The following NRXN1 variants were observed in gnomAD, a reference collection of about 807,000 sequenced individuals.
The protein encoded by NRXN1 is neurexin 1.
In NRXN1, 39 loss-of-function variants were observed where a neutral mutation model predicts 150.9. The observed-to-expected ratio is 0.26, with a 90% CI of 0.20 to 0.34. The LOEUF (loss-of-function observed/expected upper bound fraction) is 0.34, where lower values mean the gene tolerates loss of function less well. Among genes scored for constraint, NRXN1 ranks in the 10% least tolerant of loss-of-function variants. The pLI, the probability that NRXN1 is intolerant of heterozygous loss-of-function variation, is 1.00. For missense variants in NRXN1, 1,815 were observed against 1,949.9 expected (o/e 0.93, Z 1.30); for synonymous variants, 924 against 757.0 (o/e 1.22, Z -3.62).
At chr2:50,679,020 G>T (rs533558700) in intron 5 of NRXN1, among the ~76,000 whole-genome samples, 1 of 152,162 alleles carries the variant, frequency 6.6e-6, no homozygotes, top group East Asian at 1.9e-4. Context: ...GTTACAAGGT[G>T]CAGTGCCACT....
intron 5 of NRXN1, among the ~76,000 whole-genome samples, chr2:50,690,668 A>T (rs886197450): frequency 1.3e-5 from 2 of 152,220 alleles, no homozygotes; most frequent in Non-Finnish European, 2.9e-5. Context: ...CATATAGTAC[A>T]TATCTGTACT....
chr2:50,770,383 C>G (rs1204858607), intron 5 of NRXN1, among the ~76,000 whole-genome samples: 1 of 151,502 alleles, frequency 6.6e-6, no homozygotes, highest in East Asian at 1.9e-4. Flanking sequence ...TCAAGAACAA[C>G]AGGAGTTACC....
At chr2:50,814,887 C>T (rs1668709264) in intron 5 of NRXN1, among the ~76,000 whole-genome samples, 1 of 152,016 alleles carries the variant, frequency 6.6e-6, no homozygotes, top group Non-Finnish European at 1.5e-5. Flanking sequence ...CAATTGTTTA[C>T]CTCAAAGGGG....
intron 13 of NRXN1, among the ~76,000 whole-genome samples, chr2:50,503,838 A>G (rs1467209585): frequency 6.6e-6 from 1 of 152,186 alleles, no homozygotes. Context: ...TAGTAATTAT[A>G]CAATGGAGAA....
chr2:50,320,111 C>A (rs532385264), intron 17 of NRXN1, among the ~76,000 whole-genome samples: 23 of 148,762 alleles, frequency 1.5e-4, no homozygotes, highest in African/African-American at 5.1e-4. Context: ...CAAACACTAA[C>A]AATGACTGAG....
intron 5 of NRXN1, among the ~76,000 whole-genome samples, chr2:50,827,229 C>T (rs1670579668): frequency 6.6e-6 from 1 of 152,178 alleles, no homozygotes; most frequent in African/African-American, 2.4e-5. Flanking sequence ...TAAAATACAT[C>T]AATATTTCTA....
At chr2:49,964,894 T>G (rs1236970962) in intron 21 of NRXN1, among the ~76,000 whole-genome samples, 1 of 152,128 alleles carries the variant, frequency 6.6e-6, no homozygotes, top group African/African-American at 2.4e-5. Context: ...AGTTCTTTAT[T>G]TTATTTTTTG....
chr2:50,319,912 T>A (rs1466055718), intron 17 of NRXN1, among the ~76,000 whole-genome samples: 1 of 152,098 alleles, frequency 6.6e-6, no homozygotes, highest in East Asian at 1.9e-4. Flanking sequence ...CTAACTCAAG[T>A]TTCAGTCTTA....
chr2:50,741,393 A>T (rs542815873), intron 5 of NRXN1, among the ~76,000 whole-genome samples: 1 of 152,296 alleles, frequency 6.6e-6, no homozygotes, highest in Non-Finnish European at 1.5e-5. Flanking sequence ...TGTTCTACAC[A>T]TCTGTATTCT....
chr2:50,314,998 A>C (rs1305141435), intron 17 of NRXN1, among the ~76,000 whole-genome samples: 9 of 151,998 alleles, frequency 5.9e-5, no homozygotes, highest in African/African-American at 2.2e-4. Flanking sequence ...TTTTTCTTAG[A>C]AAAAATATAG....
At chr2:50,467,793 TTA>T (rs2089055359) in intron 16 of NRXN1, among the ~76,000 whole-genome samples, 1 of 151,450 alleles carries the variant, frequency 6.6e-6, no homozygotes, top group African/African-American at 2.4e-5. Flanking sequence ...TTCAACTTAG[TTA>T]TTTGTAATAA....
At chr2:50,727,172 C>T (rs1008266319) in intron 5 of NRXN1, among the ~76,000 whole-genome samples, 1 of 151,926 alleles carries the variant, frequency 6.6e-6, no homozygotes, top group Non-Finnish European at 1.5e-5. Flanking sequence ...TGTCAAAAAC[C>T]CTTATACTTA....
At chr2:50,533,185 T>C (rs1263466091) in intron 10 of NRXN1, among the ~76,000 whole-genome samples, 1 of 152,138 alleles carries the variant, frequency 6.6e-6, no homozygotes, top group Non-Finnish European at 1.5e-5. Flanking sequence ...AGCTCCCTTC[T>C]CTTTTCCATC....
At chr2:50,220,811 C>A (rs1347262482) in intron 18 of NRXN1, among the ~76,000 whole-genome samples, 1 of 151,944 alleles carries the variant, frequency 6.6e-6, no homozygotes, top group African/African-American at 2.4e-5. Flanking sequence ...AAGAATTGAT[C>A]CTCAGAGAGC....
intron 5 of NRXN1, among the ~76,000 whole-genome samples, chr2:50,844,914 C>T (rs1047398912): frequency 7.9e-5 from 12 of 151,698 alleles, no homozygotes; most frequent in African/African-American, 2.4e-4. Flanking sequence ...AGTGCAGTGG[C>T]GTGATCACAG....
intron 5 of NRXN1, among the ~76,000 whole-genome samples, chr2:50,761,512 T>C (rs1327497158): frequency 6.6e-6 from 1 of 151,966 alleles, no homozygotes; most frequent in African/African-American, 2.4e-5. Flanking sequence ...CTCCCAGCCA[T>C]GTGGAATTGT....
At chr2:50,193,921 T>C (rs1245980639) in intron 18 of NRXN1, among the ~76,000 whole-genome samples, 1 of 152,172 alleles carries the variant, frequency 6.6e-6, no homozygotes, top group African/African-American at 2.4e-5. Context: ...CTGTTGATAA[T>C]GACTATTACA....
intron 5 of NRXN1, among the ~76,000 whole-genome samples, chr2:50,788,382 C>T (rs1023007553): frequency 2.0e-5 from 3 of 152,042 alleles, no homozygotes; most frequent in African/African-American, 7.2e-5. Context: ...CCACCGCGCC[C>T]GGCCTCCCCA....
chr2:50,145,555 C>A (rs1052878508), intron 18 of NRXN1, among the ~76,000 whole-genome samples: 2 of 151,612 alleles, frequency 1.3e-5, no homozygotes, highest in Non-Finnish European at 3.0e-5. Flanking sequence ...AAGACCCAGT[C>A]TAGGAAAGCT....
Sources: allele counts gnomAD v4.1 joint callset (sites outside exome capture counted in the v4.1 genomes callset), GRCh38; gene constraint gnomAD v4.1.1; transcripts MANE v1.5; gene names NCBI Gene and HGNC (gene_info 2026-07-23, HGNC 2026-07-21).